NUP210L: variants seen among roughly 807,000 people sequenced by gnomAD.
NUP210L encodes nuclear pore membrane glycoprotein 210-like.
Under a neutral mutation model 208.5 loss-of-function variants are expected in NUP210L, and 74 were observed. The observed-to-expected ratio is 0.35, with a 90% CI of 0.29 to 0.43. The LOEUF (loss-of-function observed/expected upper bound fraction) is 0.43. Among genes scored for constraint, NUP210L ranks in the 20% least tolerant of loss-of-function variants. NUP210L has a pLI of 1.00. For synonymous variants in NUP210L, 780 were observed against 816.9 expected (o/e 0.95, Z 0.77); for missense variants, 1,843 against 2,289.4 (o/e 0.81, Z 3.98).
chr1:154,025,495 G>T, intron 30 of NUP210L, 47 bp downstream of exon 30: 1 of 1,315,212 alleles, frequency 7.6e-7, no homozygotes, highest in Non-Finnish European at 1.0e-6. Flanking sequence ...TAAGGCCAGG[G>T]TATGACTTTT....
At chr1:154,018,842 T>C in intron 33 of NUP210L, 91 bp downstream of exon 33, 1 of 1,426,842 alleles carries the variant, frequency 7.0e-7, no homozygotes, top group African/African-American at 1.4e-5. Context: ...ATGAGTGTAT[T>C]TCCTTTCCTA....
intron 35 of NUP210L, among the ~76,000 whole-genome samples, chr1:154,006,967 T>TATATATATATATATA (rs57242105): frequency 4.3e-4 from 41 of 94,864 alleles, no homozygotes; most frequent in South Asian, 1.4e-3. Context: ...TATATATATA[T>TATATATATATATATA]TTTTTTTTTT....
At chr1:154,014,499 T>A (rs960577032) in intron 33 of NUP210L, among the ~76,000 whole-genome samples, 12 of 152,204 alleles carry the variant, frequency 7.9e-5, no homozygotes, top group Non-Finnish European at 1.5e-4. Context: ...TCTTTTTGGA[T>A]GTTATCCAAA....
intron 32 of NUP210L, among the ~76,000 whole-genome samples, chr1:154,019,835 A>G (rs968240973): frequency 6.6e-6 from 1 of 152,168 alleles, no homozygotes; most frequent in Non-Finnish European, 1.5e-5. Context: ...CTGAGGCAGT[A>G]GAACCACTTG....
chr1:154,024,050 A>G (rs1031779879), intron 30 of NUP210L, among the ~76,000 whole-genome samples: 1 of 150,734 alleles, frequency 6.6e-6, no homozygotes, highest in African/African-American at 2.4e-5. Flanking sequence ...CGGCCTCCCA[A>G]AGTGCTGGGA....
chr1:154,103,692 A>AG (rs1280439590), intron 13 of NUP210L, among the ~76,000 whole-genome samples: 63 of 151,240 alleles, frequency 4.2e-4, no homozygotes, highest in African/African-American at 1.4e-3. Context: ...AAAAAAAGAA[A>AG]AAAAAAAACA....
chr1:154,048,647 C>T (rs1369292212), intron 25 of NUP210L, among the ~76,000 whole-genome samples: 1 of 152,180 alleles, frequency 6.6e-6, no homozygotes, highest in African/African-American at 2.4e-5. Context: ...CTGTCCCCCA[C>T]CACAGCTGGT....
At chr1:154,011,056 AGT>A (rs1650885204) in intron 34 of NUP210L, among the ~76,000 whole-genome samples, 1 of 152,064 alleles carries the variant, frequency 6.6e-6, no homozygotes, top group Admixed American at 6.6e-5. Context: ...GACAGCAAGA[AGT>A]GGACTGTTGT....
At chr1:154,117,156 T>C (rs183851634) in intron 12 of NUP210L, among the ~76,000 whole-genome samples, 2 of 152,322 alleles carry the variant, frequency 1.3e-5, no homozygotes, top group Admixed American at 6.5e-5. Context: ...GTTAAAAACA[T>C]TTTTCAATAA....
chr1:154,150,806 G>A (rs1247932510), intron 2 of NUP210L, among the ~76,000 whole-genome samples: 1 of 149,176 alleles, frequency 6.7e-6, no homozygotes, highest in Non-Finnish European at 1.5e-5. Context: ...GCCTTATAAA[G>A]TAGGCAACTC....
rs1558002335 is a variant in NUP210L, at chr1:154,135,407, C to CTGTA, written c.1009+403_1009+406dup. 4.0e-5 allele frequency among the ~76,000 whole-genome samples: 6 copies of CTGTA among 151,874 alleles called. No individual in the cohort carries two copies. In the South Asian group the frequency reaches 1.2e-3, roughly 32 times the overall value. On this transcript the variant is annotated intron_variant, in intron 7 of 39. Transcript: ENST00000368559. ...TAAAAATAAAACCTATAGGAAAACA[C>CTGTA]TGTAGTAGTATTATAATCTTTTTTT...
intron 21 of NUP210L, 94 bp downstream of exon 21, chr1:154,058,471 C>T: frequency 5.0e-6 from 7 of 1,398,632 alleles, no homozygotes; most frequent in Non-Finnish European, 6.8e-6. Context: ...TCCTGGTATA[C>T]ACACACAGTA....
chr1:154,089,019 G>A (rs1345222562), intron 16 of NUP210L, among the ~76,000 whole-genome samples: 1 of 152,052 alleles, frequency 6.6e-6, no homozygotes, highest in East Asian at 1.9e-4. Context: ...TGGTAGCGAA[G>A]GATATCAGCA....
chr1:154,054,233 A>G (rs759398761), exon 25 of NUP210L: 3 of 1,614,158 alleles, frequency 1.9e-6, no homozygotes, highest in Non-Finnish European at 2.5e-6. Flanking sequence ...AATACCTGAG[A>G]AAACACAATG....
At position 154,129,309 on chromosome 1, in the gene NUP210L, CA is replaced by C. The variant is rs763328158; in HGVS notation, c.1045del (p.Cys349AlafsTer6). On this transcript the variant is annotated frameshift_variant, in exon 8 of 40. Transcript: ENST00000368559. LOFTEE classifies it high-confidence loss of function. ...TCCAGGCTCTACAACATATATGGTG[CA>C]ATTTGGGAGTCCAGACACAGATCGC... 1 of 1,610,920 alleles carries C rather than the reference CA, an allele frequency of 6.2e-7. No individual in the cohort carries two copies. The highest frequency in any genetic ancestry group is 8.5e-7 in the Non-Finnish European group (1 of 1,178,468).
chr1:154,100,460 A>C (rs552537630), intron 13 of NUP210L, among the ~76,000 whole-genome samples: 3 of 150,974 alleles, frequency 2.0e-5, no homozygotes, highest in Admixed American at 2.0e-4. Context: ...AAAAAAAAAA[A>C]AACCCAAAAC....
chr1:154,127,108 T>TAA (rs5777889), intron 9 of NUP210L, among the ~76,000 whole-genome samples: 4 of 132,574 alleles, frequency 3.0e-5, no homozygotes, highest in African/African-American at 5.7e-5. Context: ...TGTGTCTCTT[T>TAA]AAAAAAAAAA....
exon 37 of NUP210L, chr1:154,000,947 C>T (rs1283453651): frequency 1.2e-6 from 2 of 1,613,964 alleles, no homozygotes; most frequent in Non-Finnish European, 1.7e-6. Flanking sequence ...CAGGTGATGC[C>T]ATTTGCTGGA....
chr1:154,055,241 GTC>G (rs1264245168), intron 23 of NUP210L, among the ~76,000 whole-genome samples: 2 of 100,698 alleles, frequency 2.0e-5, no homozygotes. Context: ...TTCTTTCTTT[GTC>G]TCTCTCTCTC....
Sources: allele counts gnomAD v4.1 joint callset (sites outside exome capture counted in the v4.1 genomes callset), GRCh38; gene constraint gnomAD v4.1.1; transcripts MANE v1.5; gene names NCBI Gene and HGNC (gene_info 2026-07-23, HGNC 2026-07-21).